The following ZFP64 variants were observed in gnomAD, a reference collection of about 807,000 sequenced individuals.
ZFP64 encodes ZFP64 zinc finger protein.
In ZFP64, 14 loss-of-function variants were observed where a neutral mutation model predicts 51.6. The observed-to-expected ratio is 0.27, with a 90% CI of 0.18 to 0.42. The LOEUF (loss-of-function observed/expected upper bound fraction) is 0.42. Among genes scored for constraint, ZFP64 ranks in the 10% least tolerant of loss-of-function variants. The pLI is 1.00. For synonymous variants in ZFP64, 375 were observed against 361.4 expected (o/e 1.04, Z -0.43); for missense variants, 754 against 906.8 (o/e 0.83, Z 2.16).
rs2050629257 is a variant in ZFP64, at chr20:52,143,953, T to C, written c.763+16170A>G. Reference sequence around the variant, plus strand: ...GATGGAACACAGCTAATTACTACTCTGGAGATACTGACCAGTTTTGGATCT... The same window carrying C: ...GATGGAACACAGCTAATTACTACTCCGGAGATACTGACCAGTTTTGGATCT... On this transcript the variant is annotated intron_variant, in intron 5 of 8. Coordinates refer to the ZFP64 transcript ENST00000361387. Among the ~76,000 whole-genome samples the C allele has an allele frequency of 1.4e-5, 2 of 143,470 alleles. 1 individual carries two copies. Among genetic ancestry groups the C allele is most frequent in the South Asian group, 4.7e-4 (2 of 4,298 alleles). 94.1% of individuals were successfully genotyped at this position (143,470 alleles called of 152,430 possible).
chr20:52,101,034 G>A (rs1260113542), intron 5 of ZFP64, among the ~76,000 whole-genome samples: 1 of 152,088 alleles, frequency 6.6e-6, no homozygotes, highest in Non-Finnish European at 1.5e-5. Flanking sequence ...CAATGCCTGG[G>A]AACATTTTCA....
At chr20:52,168,621 T>C (rs1568693994) in intron 2 of ZFP64, among the ~76,000 whole-genome samples, 1 of 152,146 alleles carries the variant, frequency 6.6e-6, no homozygotes, top group Non-Finnish European at 1.5e-5. Context: ...ATCTTGGCAG[T>C]AGAACTTAAC....
intron 2 of ZFP64, among the ~76,000 whole-genome samples, chr20:52,176,219 C>T (rs1378432005): frequency 2.6e-5 from 4 of 152,010 alleles, no homozygotes; most frequent in Non-Finnish European, 5.9e-5. Context: ...ACCTGGGCGA[C>T]GTAGTGAGAC....
intron 5 of ZFP64, among the ~76,000 whole-genome samples, chr20:52,102,145 A>G (rs562337122): frequency 1.9e-4 from 29 of 149,474 alleles, no homozygotes; most frequent in Non-Finnish European, 1.2e-4. Flanking sequence ...CTCAGGCCCT[A>G]CTCCAGACTT....
intron 8 of ZFP64, among the ~76,000 whole-genome samples, chr20:52,087,859 G>A (rs183848509): frequency 2.0e-5 from 3 of 152,126 alleles, no homozygotes; most frequent in African/African-American, 7.2e-5. Flanking sequence ...ACATCACTAT[G>A]TTCCTGTCTG....
intron 7 of ZFP64, among the ~76,000 whole-genome samples, chr20:52,089,740 CAAAAA>C (rs35524410): frequency 9.1e-5 from 12 of 131,404 alleles, no homozygotes; most frequent in Non-Finnish European, 1.3e-4. Flanking sequence ...GACACTGTCT[CAAAAA>C]AAAAAAAAAA....
chr20:52,142,525 AT>A (rs1310426287), intron 5 of ZFP64, among the ~76,000 whole-genome samples: 5 of 152,096 alleles, frequency 3.3e-5, no homozygotes, highest in African/African-American at 1.2e-4. Flanking sequence ...ATGCACTTGT[AT>A]CCCTTAAATT....
chr20:52,093,629 G>A (rs970870083), intron 7 of ZFP64, among the ~76,000 whole-genome samples: 1 of 152,278 alleles, frequency 6.6e-6, no homozygotes, highest in Admixed American at 6.5e-5. Flanking sequence ...AAATGTGGTC[G>A]TACCACATTA....
Position 52,085,802 on chromosome 20 carries a change from G to T in ZFP64, c.1229-536C>A, listed in dbSNP as rs1018613233. Reference sequence around the variant, plus strand: ...GCTAAATTTTATTTATAATATTAATGCATAATTATGGCAGCAGGGGACAAA... The same window carrying T: ...GCTAAATTTTATTTATAATATTAATTCATAATTATGGCAGCAGGGGACAAA... On this transcript the variant is annotated intron_variant, in intron 8 of 8. Transcript: ENST00000361387. This position sits in a 1 kb window ranked among gnomAD's most constrained non-coding sequence, Gnocchi z 4.3. 2.0e-5 allele frequency among the ~76,000 whole-genome samples: 3 copies of T among 152,248 alleles called. No homozygotes were observed. Among genetic ancestry groups the T allele is most frequent in the East Asian group, 3.9e-4 (2 of 5,190 alleles).
chr20:52,136,708 A>G (rs1330249824), intron 5 of ZFP64, among the ~76,000 whole-genome samples: 1 of 152,222 alleles, frequency 6.6e-6, no homozygotes, highest in African/African-American at 2.4e-5. Context: ...CCTTGCTTAT[A>G]TTTAATAACT....
At chr20:52,171,322 C>T (rs1204082615) in intron 2 of ZFP64, among the ~76,000 whole-genome samples, 2 of 152,008 alleles carry the variant, frequency 1.3e-5, no homozygotes, top group African/African-American at 2.4e-5. Context: ...GATTTGATGC[C>T]GGAGTCGCCA....
rs752013328 is a variant in ZFP64 at position 52,160,392 on chromosome 20, C to A, written c.512-18G>T. On this transcript the variant is annotated intron_variant, in intron 4 of 5. Coordinates refer to ENST00000216923, the MANE Select transcript of ZFP64 (RefSeq NM_018197.3). The surrounding 1 kb of genome is among the most constrained non-coding windows in gnomAD (Gnocchi z 4.2). ...TTTGTCTCCTTCAAACACATACACACACAGATGGCAGCAGGAAACAAGATT... is the reference window on the plus strand; with the variant it reads ...TTTGTCTCCTTCAAACACATACACAAACAGATGGCAGCAGGAAACAAGATT... 1.9e-6 allele frequency: 3 copies of A among 1,585,130 alleles called. No individual in the cohort carries two copies. The highest frequency in any genetic ancestry group is 2.3e-5 in the South Asian group (2 of 87,790).
Position 52,174,221 on chromosome 20 carries a change from C to T in ZFP64, c.287-8196G>A, listed in dbSNP as rs190787351. On this transcript the variant is annotated intron_variant, in intron 2 of 5. Transcript: ENST00000216923. ...TATTTTAGGGCCGGGAGCGGTGGCT[C>T]ACGCCTGTAATCCCAACACTTTTGG... Among the ~76,000 whole-genome samples, 974 of 150,958 alleles carry T rather than the reference C, an allele frequency of 6.5e-3. 5 individuals are homozygous for T. The highest frequency in any genetic ancestry group is 0.01 in the Non-Finnish European group (706 of 68,014).
At chr20:52,094,764 A>C (rs1478562655) in intron 7 of ZFP64, among the ~76,000 whole-genome samples, 2 of 150,858 alleles carry the variant, frequency 1.3e-5, no homozygotes, top group African/African-American at 4.9e-5. Context: ...TAAATAAATA[A>C]TAAAAAGGAA....
intron 2 of ZFP64, among the ~76,000 whole-genome samples, chr20:52,177,376 G>T (rs1237933474): frequency 3.9e-5 from 6 of 152,112 alleles, no homozygotes; most frequent in Non-Finnish European, 7.4e-5. Flanking sequence ...CCTTCTCCTT[G>T]TCCCTTGGCA....
chr20:52,166,130 C>G (rs1446154219), intron 2 of ZFP64, 105 bp from the exon 3 acceptor site: 1 of 1,216,004 alleles, frequency 8.2e-7, no homozygotes, highest in Non-Finnish European at 1.1e-6. Flanking sequence ...GTTTGCTTTC[C>G]CAGCCTCCCT....
intron 5 of ZFP64, among the ~76,000 whole-genome samples, chr20:52,103,894 A>T (rs534995995): frequency 6.6e-6 from 1 of 151,744 alleles, no homozygotes; most frequent in Non-Finnish European, 1.5e-5. Flanking sequence ...TCATTAAACT[A>T]CTCCCCTCCA....
At chr20:52,098,650 T>C in intron 5 of ZFP64, 1 of 1,603,458 alleles carries the variant, frequency 6.2e-7, no homozygotes, top group Non-Finnish European at 8.5e-7. Context: ...AGTCTTAGAA[T>C]ACAGTAGGTT....
intron 7 of ZFP64, chr20:52,096,744 C>T: frequency 5.4e-6 from 1 of 186,166 alleles, no homozygotes; most frequent in Non-Finnish European, 1.2e-5. Flanking sequence ...GAAAAATTAG[C>T]TGGGCAAGGT....
Sources: allele counts gnomAD v4.1 joint callset (sites outside exome capture counted in the v4.1 genomes callset), GRCh38; gene constraint gnomAD v4.1.1; non-coding constraint Gnocchi (gnomAD v3.1); transcripts MANE v1.5; gene names NCBI Gene and HGNC (gene_info 2026-07-23, HGNC 2026-07-21).